The following SCNN1A variants were observed in gnomAD, a reference collection of about 807,000 sequenced individuals.
SCNN1A encodes the protein sodium channel epithelial 1 subunit alpha, also known as epithelial sodium channel subunit alpha.
SCNN1A carries 65 observed loss-of-function variants against 68.6 expected under a neutral mutation model. The observed-to-expected ratio is 0.95, with a 90% confidence interval of 0.78 to 1.16. The LOEUF is 1.16. Among genes scored for constraint, SCNN1A ranks in the 50% most tolerant of loss-of-function variants. The pLI is 0.00. For synonymous variants in SCNN1A, 357 were observed against 353.3 expected (o/e 1.01, Z -0.12); for missense variants, 880 against 865.9 (o/e 1.02, Z -0.20).
chr12:6,375,224 T>C lies in SCNN1A; in HGVS notation c.-55+281A>G, dbSNP rs1055291189. 3.5e-6 allele frequency: 5 copies of C among 1,440,318 alleles called. No homozygotes were observed. In the African/African-American group the frequency reaches 7.2e-5, roughly 21 times the overall value. 89.2% of individuals were successfully genotyped at this position (1,440,318 alleles called of 1,614,324 possible). ...ACTCCCTCTCTATCTGCCTTCTGTTTCTCTTTGGGTCTCTCCTGCTCTCCT... is the reference window on the plus strand; with the variant it reads ...ACTCCCTCTCTATCTGCCTTCTGTTCCTCTTTGGGTCTCTCCTGCTCTCCT... On this transcript the variant is annotated intron_variant, in intron 1 of 12. Transcript: ENST00000228916.
Position 6,374,531 on chromosome 12 carries a change from C to T in SCNN1A, c.253G>A (p.Ala85Thr), listed in dbSNP as rs1335775694. 1.2e-6 allele frequency: 2 copies of T among 1,614,214 alleles called. No individual in the cohort carries two copies. Among genetic ancestry groups the T allele is most frequent in the Non-Finnish European group, 1.7e-6 (2 of 1,180,038 alleles). ...VCSQHNRMKT[A>T]FWAVLWLCTF... ...CAGAGCCACAGCACTGCCCAGAAGG[C>T]CGTCTTCATGCGGTTGTGCTGGGAG... is the stretch of plus-strand genomic sequence containing the variant. The change falls in exon 2 of 13, where the codon GCC becomes ACC. Residue 85 changes from alanine to threonine, a missense_variant. Around this residue, in one of 3 missense-constraint regions of SCNN1A, gnomAD observed 45 missense variants for 76.7 expected, o/e 0.59. Coordinates refer to ENST00000228916, the MANE Select transcript of SCNN1A (RefSeq NM_001038.6). The surrounding 1 kb of genome is among the most constrained non-coding windows in gnomAD (Gnocchi z 6.2).
chr12:6,348,628 C>T (rs898116649), intron 12 of SCNN1A, 99 bp downstream of exon 12: 19 of 1,072,036 alleles, frequency 1.8e-5, no homozygotes, highest in East Asian at 7.1e-5. Context: ...AGACTCAGAG[C>T]CTTCTGGCCC....
At chr12:6,371,644 T>C (rs995291456) in intron 2 of SCNN1A, among the ~76,000 whole-genome samples, 1 of 151,998 alleles carries the variant, frequency 6.6e-6, no homozygotes, top group Non-Finnish European at 1.5e-5. Flanking sequence ...AGGCAGTTAC[T>C]TAACTCTCTG....
chr12:6,356,707 G>A (rs1294281015), intron 4 of SCNN1A, among the ~76,000 whole-genome samples: 1 of 152,202 alleles, frequency 6.6e-6, no homozygotes, highest in East Asian at 1.9e-4. Context: ...TCCAGAACAG[G>A]GAGGCTGTGT....
In SCNN1A at chr12:6,372,960, T is replaced by C. The variant is rs1210157669; in HGVS notation, c.416+1408A>G. ...TGTTGTGACTTGCCTCTCTTTGCCT[T>C]AGTTTCCTCAAGTGTAAAATAGGGA... On this transcript the variant is annotated intron_variant, in intron 2 of 12. Transcript: ENST00000228916. The surrounding 1 kb of genome is among the most constrained non-coding windows in gnomAD (Gnocchi z 5.8). 6.6e-6 allele frequency among the ~76,000 whole-genome samples: 1 copy of C among 152,184 alleles called. No homozygotes were observed. The highest frequency in any genetic ancestry group is 1.5e-5 in the Non-Finnish European group (1 of 68,030).
chr12:6,362,148 G>A lies in SCNN1A; in HGVS notation c.778C>T (p.Leu260=), dbSNP rs750414125. The change falls in exon 4 of 13, where the codon CTG becomes TTG. Residue 260 remains leucine (L), a synonymous_variant. Coordinates refer to ENST00000228916, the MANE Select transcript of SCNN1A (RefSeq NM_001038.6). The part of the protein sequence containing the change: ...EWYRFHYINI[L]SRLPETLPSL... ...GGCAGAGTCTCTGGCAGCCTCGACAGGATGTTGATGTAGTGGAAGCGGTAC... is the reference window on the plus strand; with the variant it reads ...GGCAGAGTCTCTGGCAGCCTCGACAAGATGTTGATGTAGTGGAAGCGGTAC... The A allele has an allele frequency of 1.8e-5, 29 of 1,614,120 alleles. No individual in the cohort carries two copies. Among genetic ancestry groups the A allele is most frequent in the African/African-American group, 2.7e-5 (2 of 74,944 alleles).
chr12:6,365,171 C>T (rs557685422), intron 2 of SCNN1A, among the ~76,000 whole-genome samples: 126 of 152,090 alleles, frequency 8.3e-4, no homozygotes, highest in African/African-American at 2.8e-3. Context: ...AAGTGTGCCA[C>T]CACACCAAGC....
Position 6,347,541 on chromosome 12 carries a change from T to G in SCNN1A, c.*332A>C. On this transcript the variant is annotated 3_prime_UTR_variant, in exon 13 of 13. Coordinates refer to ENST00000228916, the MANE Select transcript of SCNN1A (RefSeq NM_001038.6). ...GTGTTTTGTCCTGGTTATCAGCGGTTTCTTAGGAAAGTTCCTTGTCAAAGC... is the reference window on the plus strand; with the variant it reads ...GTGTTTTGTCCTGGTTATCAGCGGTGTCTTAGGAAAGTTCCTTGTCAAAGC... 2.6e-6 allele frequency: 1 copy of G among 383,880 alleles called. No homozygotes were observed. Among genetic ancestry groups the G allele is most frequent in the East Asian group, 5.0e-5 (1 of 20,050 alleles). 23.8% of individuals were successfully genotyped at this position (383,880 alleles called of 1,614,324 possible).
upstream of SCNN1A, chr12:6,376,038 G>T: frequency 1.0e-6 from 1 of 994,554 alleles, no homozygotes; most frequent in Non-Finnish European, 1.2e-6. Flanking sequence ...AGGAGAGCAA[G>T]GGGGGAGTCC....
chr12:6,360,059 C>T (rs901425037), intron 4 of SCNN1A, among the ~76,000 whole-genome samples: 1 of 152,312 alleles, frequency 6.6e-6, no homozygotes, highest in Admixed American at 6.5e-5. Flanking sequence ...GCATGAGCCA[C>T]CGTGCCCGGT....
Position 6,355,322 on chromosome 12 carries a change from C to T in SCNN1A, c.1093G>A (p.Gly365Ser). 6.2e-7 allele frequency: 1 copy of T among 1,613,858 alleles called. No individual in the cohort carries two copies. Reference sequence around the variant, plus strand: ...ACGCCAGGCCGCAAGTTAAAGCCACCATCATCCATAAAGGCAGGTTCATCC... The same window carrying T: ...ACGCCAGGCCGCAAGTTAAAGCCACTATCATCCATAAAGGCAGGTTCATCC... ...GQDEPAFMDD[G>S]GFNLRPGVET... is the part of the protein sequence containing the mutation. The change falls in exon 6 of 13, where the codon GGT (glycine) becomes AGT (serine). Residue 365 changes from glycine to serine, a missense_variant. This residue lies in a region of SCNN1A where 758 missense variants were observed against 721.8 expected (regional missense o/e 1.05). Transcript: ENST00000228916.
rs1342379354 is a variant in SCNN1A, at chr12:6,349,358, C to T, written c.1408G>A (p.Gly470Ser). The T allele has an allele frequency of 2.5e-6, 4 of 1,611,566 alleles. No homozygotes were observed. The Admixed American group carries it at 5.0e-5, about 20-fold the overall frequency. Residue 470 changes from glycine (G) to serine (S), a missense_variant, in exon 9 of 13, where the codon GGC (glycine) becomes AGC (serine). Physicochemically the swap from Gly to Ser is moderately conservative, Grantham distance 56 (BLOSUM62 0). This residue lies in a region of SCNN1A where 758 missense variants were observed against 721.8 expected (regional missense o/e 1.05). Transcript: ENST00000228916. ...GGCTTCCGGCACTTGGTGAAACAGCCCAGGTGGTCTGAGGAGAAGTCAACC... is the reference window on the plus strand; with the variant it reads ...GGCTTCCGGCACTTGGTGAAACAGCTCAGGTGGTCTGAGGAGAAGTCAACC... ...LQVDFSSDHL[G>S]CFTKCRKPCS...
chr12:6,376,443 G>C (rs11833597), upstream of SCNN1A, among the ~76,000 whole-genome samples: 1,227 of 152,348 alleles, frequency 8.1e-3, 13 homozygotes, highest in African/African-American at 0.028. Flanking sequence ...GCAGGACACT[G>C]TGGACACAGA....
In SCNN1A at chr12:6,351,605, C is replaced by A. The variant is rs931741142; in HGVS notation, c.1361-2200G>T. Among the ~76,000 whole-genome samples, 1 of 144,752 alleles carries A rather than the reference C, an allele frequency of 6.9e-6. No homozygotes were observed. Among genetic ancestry groups the A allele is most frequent in the Admixed American group, 7.1e-5 (1 of 14,076 alleles). 95.0% of individuals were successfully genotyped at this position (144,752 alleles called of 152,430 possible). ...TCGCGCCACTGCACTCCAGTCTGGG[C>A]GACAGAGGGAGATTCTGTCTCCAGA... On this transcript the variant is annotated intron_variant, in intron 8 of 12. Coordinates refer to ENST00000228916, the MANE Select transcript of SCNN1A (RefSeq NM_001038.6). The surrounding 1 kb of genome is among the most constrained non-coding windows in gnomAD (Gnocchi z 4.2).
intron 8 of SCNN1A, among the ~76,000 whole-genome samples, chr12:6,352,762 G>A (rs1443631036): frequency 6.6e-6 from 1 of 152,252 alleles, no homozygotes; most frequent in African/African-American, 2.4e-5. Context: ...GCCACGACTG[G>A]AAAGTCCAGG....
intron 6 of SCNN1A, 103 bp downstream of exon 6, chr12:6,355,169 A>C: frequency 7.5e-7 from 1 of 1,334,462 alleles, no homozygotes; most frequent in Non-Finnish European, 1.0e-6. Context: ...CCACATGCTC[A>C]AGGCCCACCC....
In SCNN1A at chr12:6,352,878, G is replaced by A. The variant is rs532675281; in HGVS notation, c.1360+1560C>T. 1.8e-4 allele frequency among the ~76,000 whole-genome samples: 28 copies of A among 152,336 alleles called. No homozygotes were observed. In the South Asian group the frequency reaches 2.1e-3, roughly 11 times the overall value. ...GCTGAACTCTGGGGTGAGACAATCC[G>A]CTGCCTTTGAGGGCCTCTGTGTCTC... On this transcript the variant is annotated intron_variant, in intron 8 of 12. Transcript: ENST00000228916.
intron 2 of SCNN1A, among the ~76,000 whole-genome samples, chr12:6,368,900 A>G (rs1477097057): frequency 6.6e-6 from 1 of 152,148 alleles, no homozygotes; most frequent in East Asian, 1.9e-4. Flanking sequence ...ATAACACTAG[A>G]TCTGCCTACC....
Position 6,374,338 on chromosome 12 carries a change from A to T in SCNN1A, c.416+30T>A. On this transcript the variant is annotated intron_variant, in intron 2 of 12. Coordinates refer to ENST00000228916, the MANE Select transcript of SCNN1A (RefSeq NM_001038.6). This position sits in a 1 kb window ranked among gnomAD's most constrained non-coding sequence, Gnocchi z 6.2. The stretch of plus-strand genomic sequence containing the variant: ...CTGGACCACCCTTCCAGGCGCAGGC[A>T]CCAGGGAAGGGGCAGAGGGACTAAC... 6.2e-7 allele frequency: 1 copy of T among 1,611,030 alleles called. No individual in the cohort carries two copies. Among genetic ancestry groups the T allele is most frequent in the Non-Finnish European group, 8.5e-7 (1 of 1,177,574 alleles).
Sources: gnomAD v4.1 joint callset for allele counts (sites outside exome capture counted in the v4.1 genomes callset) on GRCh38, gnomAD v4.1.1 for gene constraint, gnomAD v4.1.1 regional missense constraint, Gnocchi (gnomAD v3.1) non-coding constraint, MANE v1.5 for transcripts, NCBI Gene and HGNC (gene_info 2026-07-23, HGNC 2026-07-21) for gene names.